CHSY3: variants seen among roughly 807,000 people sequenced by gnomAD.
CHSY3 encodes the protein N-acetylgalactosaminyl-proteoglycan 3-beta-glucuronosyltransferase 3.
A neutral mutation model predicts 67.2 loss-of-function variants in CHSY3; 35 were observed. The observed-to-expected ratio is 0.52, with a 90% CI of 0.40 to 0.69. The LOEUF (loss-of-function observed/expected upper bound fraction) is 0.69, where lower values mean the gene tolerates loss of function less well. Ranked by LOEUF, CHSY3 falls within the 30% of genes least tolerant of loss-of-function variation. The pLI, the probability that CHSY3 is intolerant of heterozygous loss-of-function variation, is 0.00. For synonymous variants in CHSY3, 474 were observed against 434.7 expected (o/e 1.09, Z -1.12); for missense variants, 1,069 against 1,138.5 (o/e 0.94, Z 0.88).
chr5:129,985,165 T>G (rs936987158), intron 2 of CHSY3, among the ~76,000 whole-genome samples: 15 of 152,330 alleles, frequency 9.8e-5, no homozygotes, highest in Admixed American at 6.5e-4. Flanking sequence ...GTTGTACATT[T>G]AAGCATTTAA....
chr5:130,139,117 T>C (rs548017514), intron 2 of CHSY3, among the ~76,000 whole-genome samples: 1 of 152,308 alleles, frequency 6.6e-6, no homozygotes, highest in East Asian at 1.9e-4. Context: ...AAAAGTTAAT[T>C]TGTTGCCCTA....
In CHSY3 at chr5:129,908,327, T is replaced by C. The variant is rs1275490790; in HGVS notation, c.1053T>C (p.Arg351=). ...EDVEVGRCVR[R]FGGTQCVWSY... ...TGGAAGTAGGAAGATGCGTTCGCCG[T>C]TTTGGTGGGACTCAGTGTGTCTGGT... Residue 351 remains arginine, a synonymous_variant, in exon 2 of 3, where the codon CGT becomes CGC. Transcript: ENST00000305031. 3 of 1,613,834 alleles carry C rather than the reference T, an allele frequency of 1.9e-6. No individual in the cohort carries two copies. Among genetic ancestry groups the C allele is most frequent in the Admixed American group, 1.7e-5 (1 of 60,000 alleles).
chr5:129,983,497 A>C (rs1487909587), intron 2 of CHSY3, among the ~76,000 whole-genome samples: 1 of 152,106 alleles, frequency 6.6e-6, no homozygotes, highest in African/African-American at 2.4e-5. Context: ...TACTGTGTAC[A>C]CTTAGATTAA....
intron 2 of CHSY3, among the ~76,000 whole-genome samples, chr5:130,034,432 G>A (rs1347559169): frequency 6.6e-6 from 1 of 152,048 alleles, no homozygotes; most frequent in Non-Finnish European, 1.5e-5. Flanking sequence ...TCTTAGCGCT[G>A]CCAATTTTAG....
chr5:129,943,481 T>C (rs2149596180), intron 2 of CHSY3, among the ~76,000 whole-genome samples: 1 of 152,362 alleles, frequency 6.6e-6, no homozygotes, highest in East Asian at 1.9e-4. Context: ...AAATTAAATA[T>C]GTGTAGATAA....
chr5:129,994,137 C>T (rs2149632742), intron 2 of CHSY3, among the ~76,000 whole-genome samples: 1 of 152,210 alleles, frequency 6.6e-6, no homozygotes, highest in Admixed American at 6.5e-5. Flanking sequence ...CTCTGGCTGC[C>T]CTTAACATTT....
At chr5:130,158,047 G>T (rs892485067) in intron 2 of CHSY3, among the ~76,000 whole-genome samples, 2 of 152,226 alleles carry the variant, frequency 1.3e-5, no homozygotes, top group African/African-American at 4.8e-5. Context: ...GACGACCAGA[G>T]GTCACTCTTG....
chr5:130,131,263 TA>T (rs1429039014), intron 2 of CHSY3, among the ~76,000 whole-genome samples: 1 of 152,146 alleles, frequency 6.6e-6, no homozygotes, highest in Non-Finnish European at 1.5e-5. Context: ...CAATTTCCCC[TA>T]AAGTATCTAA....
rs925049224 is a variant in CHSY3 at position 130,185,134 on chromosome 5, C to A, written c.1992C>A (p.Gly664=). 54 of 1,598,644 alleles carry A rather than the reference C, an allele frequency of 3.4e-5. No homozygotes were observed. Among genetic ancestry groups the A allele is most frequent in the Non-Finnish European group, 4.4e-5 (51 of 1,166,168 alleles). ...TTATCCTTTTCAGTAGGGATTCTGG[C>A]CAAGACTCCAGCAAGCATATTGAGC... The part of the protein sequence containing the change: ...LVIILFSRDS[G]QDSSKHIELI... The change falls in exon 3 of 3, where the codon GGC becomes GGA. Residue 664 remains glycine, a synonymous_variant. Transcript: ENST00000305031.
chr5:130,115,926 ACCT>A (rs1282471994), intron 2 of CHSY3, among the ~76,000 whole-genome samples: 9 of 151,850 alleles, frequency 5.9e-5, no homozygotes, highest in Non-Finnish European at 1.3e-4. Context: ...GCTCACGTCG[ACCT>A]CCTTCTACGA....
chr5:130,078,882 G>T (rs1296731855), intron 2 of CHSY3, among the ~76,000 whole-genome samples: 2 of 152,118 alleles, frequency 1.3e-5, no homozygotes, highest in African/African-American at 2.4e-5. Context: ...AATAAGGCCG[G>T]ATCCATTGCT....
chr5:130,013,376 C>T (rs576762356), intron 2 of CHSY3, among the ~76,000 whole-genome samples: 4 of 152,310 alleles, frequency 2.6e-5, no homozygotes, highest in East Asian at 3.9e-4. Flanking sequence ...GGGCTCCAAC[C>T]CCACATTTCC....
Position 130,103,469 on chromosome 5 carries a change from A to G in CHSY3, c.1087-80760A>G, listed in dbSNP as rs574803093. On this transcript the variant is annotated intron_variant, in intron 2 of 2. Transcript: ENST00000305031. ...CCTAAATGTTCTCTTTATGTGCTGCAGTTTTATTATTGTTATAATTATCTT... is the reference window on the plus strand; with the variant it reads ...CCTAAATGTTCTCTTTATGTGCTGCGGTTTTATTATTGTTATAATTATCTT... Among the ~76,000 whole-genome samples, 67 of 152,154 alleles carry G rather than the reference A, an allele frequency of 4.4e-4. 2 individuals carry two copies. The South Asian group carries it at 0.013, about 30-fold the overall frequency.
chr5:129,938,654 G>T (rs563000121), intron 2 of CHSY3, among the ~76,000 whole-genome samples: 27 of 152,284 alleles, frequency 1.8e-4, no homozygotes, highest in African/African-American at 6.0e-4. Context: ...ATCTAGAGTA[G>T]GGGCACAATG....
intron 2 of CHSY3, among the ~76,000 whole-genome samples, chr5:129,962,556 A>G (rs1239498840): frequency 6.6e-6 from 1 of 151,972 alleles, no homozygotes. Flanking sequence ...GTTGTTTCCC[A>G]TAAAACACAA....
At chr5:130,124,053 A>G (rs1430815451) in intron 2 of CHSY3, among the ~76,000 whole-genome samples, 1 of 151,266 alleles carries the variant, frequency 6.6e-6, no homozygotes, top group Non-Finnish European at 1.5e-5. Context: ...AAAAAAAAAA[A>G]AAAAAAAAAA....
Position 130,073,226 on chromosome 5 carries a change from A to G in CHSY3, c.1087-111003A>G, listed in dbSNP as rs201766257. Among the ~76,000 whole-genome samples, 7 of 152,264 alleles carry G rather than the reference A, an allele frequency of 4.6e-5. No homozygotes were observed. The East Asian group carries it at 1.4e-3, about 29-fold the overall frequency. The stretch of plus-strand genomic sequence containing the variant: ...GCTTGATTCAGTCTTTTTACAATGT[A>G]TACATAGATCAAAATGTCATATTAT... On this transcript the variant is annotated intron_variant, in intron 2 of 2. Coordinates refer to ENST00000305031, the MANE Select transcript of CHSY3 (RefSeq NM_175856.5).
chr5:130,103,467 G>A (rs1767314201), intron 2 of CHSY3, among the ~76,000 whole-genome samples: 1 of 151,886 alleles, frequency 6.6e-6, no homozygotes, highest in South Asian at 2.1e-4. Flanking sequence ...TTTATGTGCT[G>A]CAGTTTTATT....
intron 2 of CHSY3, among the ~76,000 whole-genome samples, chr5:130,165,516 T>C (rs17712974): frequency 0.04 from 6,050 of 152,186 alleles, 339 homozygotes; most frequent in East Asian, 0.25. Flanking sequence ...TCGTGTCCTT[T>C]ATTTTCTTGT....
Sources: allele counts gnomAD v4.1 joint callset (sites outside exome capture counted in the v4.1 genomes callset), GRCh38; gene constraint gnomAD v4.1.1; transcripts MANE v1.5; gene names NCBI Gene and HGNC (gene_info 2026-07-23, HGNC 2026-07-21).